The following MEGF9 variants were observed in gnomAD, a reference collection of about 807,000 sequenced individuals.
MEGF9 encodes multiple epidermal growth factor-like domains protein 9.
Under a neutral mutation model 46.8 loss-of-function variants are expected in MEGF9, and 6 were observed. The ratio of observed to expected loss-of-function variants is 0.13; its 90% CI spans 0.07 to 0.25. MEGF9 has a LOEUF of 0.25. MEGF9 is among the 10% of genes least tolerant of loss of function. MEGF9 has a pLI of 1.00. For synonymous variants in MEGF9, 302 were observed against 330.7 expected (o/e 0.91, Z 0.94); for missense variants, 683 against 792.4 (o/e 0.86, Z 1.66).
intron 2 of MEGF9, among the ~76,000 whole-genome samples, chr9:120,644,869 A>C (rs1209375359): frequency 2.0e-5 from 3 of 152,188 alleles, no homozygotes; most frequent in Non-Finnish European, 1.5e-5. Context: ...AAAACACTAC[A>C]TGTTCGTAAG....
At chr9:120,689,459 A>G (rs1381840444) in intron 1 of MEGF9, among the ~76,000 whole-genome samples, 1 of 144,054 alleles carries the variant, frequency 6.9e-6, no homozygotes, top group African/African-American at 2.5e-5. Context: ...AATCAGATCT[A>G]CATCTTAGAA....
At chr9:120,630,064 G>A (rs555852803) in intron 2 of MEGF9, among the ~76,000 whole-genome samples, 40 of 151,940 alleles carry the variant, frequency 2.6e-4, no homozygotes, top group African/African-American at 9.7e-4. Flanking sequence ...AGCCTTTTTT[G>A]CTATTATTTT....
rs2043396474 is a variant in MEGF9 at position 120,601,622 on chromosome 9, G to C, written c.*3568C>G. 6.6e-6 allele frequency: 1 copy of C among 152,148 alleles called. No homozygotes were observed. Among genetic ancestry groups the C allele is most frequent in the Non-Finnish European group, 1.5e-5 (1 of 68,026 alleles). The allele number at this position is 152,148 out of a possible 1,614,324, so 9.4% of individuals were successfully genotyped here. A position where few individuals can be genotyped will look rare whatever the true frequency, so the allele number is the denominator to read the frequency against. Reference sequence around the variant, plus strand: ...TCTCCTCTCATCCCATGTTTCCTCTGTTCTCTACTCTTAAAATCTAGGTAT... The same window carrying C: ...TCTCCTCTCATCCCATGTTTCCTCTCTTCTCTACTCTTAAAATCTAGGTAT... On this transcript the variant is annotated 3_prime_UTR_variant, in exon 6 of 6. Transcript: ENST00000373930.
chr9:120,675,654 C>CA (rs1457098461), intron 1 of MEGF9, among the ~76,000 whole-genome samples: 3 of 87,716 alleles, frequency 3.4e-5, no homozygotes, highest in East Asian at 3.1e-4. Context: ...TTTGGGAGGC[C>CA]GAGGGGGGTG....
At position 120,713,806 on chromosome 9, in the gene MEGF9, C is replaced by CGCTGCTGTTGCT. The variant is rs768382941; in HGVS notation, c.541_552dup (p.Ser181_Ser184dup). 1.9e-5 allele frequency: 24 copies of CGCTGCTGTTGCT among 1,296,066 alleles called. No homozygotes were observed. Among genetic ancestry groups the CGCTGCTGTTGCT allele is most frequent in the Admixed American group, 3.1e-5 (1 of 32,586 alleles). The allele number at this position is 1,296,066 out of a possible 1,614,324, so 80.3% of individuals were successfully genotyped here. ...TCGGTGGCAGGTGGGGTGGGGAGGA[C>CGCTGCTGTTGCT]GCTGCTGTTGCTGCTGCTGGGGAGA... On this transcript the variant is annotated inframe_insertion, in exon 1 of 6. Transcript: ENST00000373930.
intron 2 of MEGF9, among the ~76,000 whole-genome samples, chr9:120,640,544 C>A (rs2043597526): frequency 6.6e-6 from 1 of 151,996 alleles, no homozygotes; most frequent in Non-Finnish European, 1.5e-5. Flanking sequence ...CAGTGCCTGG[C>A]ATGTGATAGG....
intron 2 of MEGF9, among the ~76,000 whole-genome samples, chr9:120,643,901 G>A (rs768362393): frequency 3.9e-5 from 6 of 152,034 alleles, no homozygotes; most frequent in African/African-American, 2.4e-5. Context: ...CTGTTGTAGA[G>A]ATGGGGTCTC....
intron 3 of MEGF9, among the ~76,000 whole-genome samples, chr9:120,616,337 G>T (rs1350264811): frequency 1.3e-5 from 2 of 151,942 alleles, no homozygotes; most frequent in Non-Finnish European, 2.9e-5. Flanking sequence ...ATGTGAATTT[G>T]CTTCTTTAAT....
intron 1 of MEGF9, chr9:120,689,914 C>A (rs749676070): frequency 3.8e-6 from 2 of 528,618 alleles, no homozygotes; most frequent in Non-Finnish European, 3.9e-6. Context: ...CTTCCCATAA[C>A]AATTTTTCTA....
At chr9:120,711,256 T>C (rs1247187114) in intron 1 of MEGF9, among the ~76,000 whole-genome samples, 1 of 152,206 alleles carries the variant, frequency 6.6e-6, no homozygotes, top group African/African-American at 2.4e-5. Context: ...AAGGGCTTGG[T>C]TAAATAAATT....
chr9:120,690,204 G>C (rs145767555), intron 1 of MEGF9, among the ~76,000 whole-genome samples: 1 of 152,136 alleles, frequency 6.6e-6, no homozygotes, highest in Non-Finnish European at 1.5e-5. Context: ...ACAAAACTTT[G>C]GGGAAATTAC....
At chr9:120,619,757 C>A (rs1367652317) in intron 3 of MEGF9, among the ~76,000 whole-genome samples, 3 of 152,154 alleles carry the variant, frequency 2.0e-5, no homozygotes, top group Admixed American at 1.3e-4. Context: ...GATCAAAGAA[C>A]AATTTTTAAG....
intron 2 of MEGF9, among the ~76,000 whole-genome samples, chr9:120,634,862 G>A (rs1003626278): frequency 6.6e-6 from 1 of 151,988 alleles, no homozygotes; most frequent in Admixed American, 6.6e-5. Context: ...GAAGTGATAA[G>A]GTTTGATTCT....
Position 120,605,510 on chromosome 9 carries a change from T to C in MEGF9, c.1489A>G (p.Thr497Ala), listed in dbSNP as rs374800574. ...AAAGCTGAAGTGCTGTTTTCAGAAGTGCTTACTGAAAAGATAGTCTGCAGG... is the reference window on the plus strand; with the variant it reads ...AAAGCTGAAGTGCTGTTTTCAGAAGCGCTTACTGAAAAGATAGTCTGCAGG... ...TTLQTIFSVS[T>A]SENSTSALAD... The change falls in exon 6 of 6, where the codon ACT (threonine) becomes GCT (alanine). Residue 497 changes from threonine (T) to alanine (A), a missense_variant. Thr to Ala is a moderately conservative substitution (Grantham distance 58). Around this residue, in one of 2 missense-constraint regions of MEGF9, gnomAD observed 313 missense variants for 421.1 expected, o/e 0.74. Transcript: ENST00000373930. The surrounding 1 kb of genome is among the most constrained non-coding windows in gnomAD (Gnocchi z 4.0). 19 of 1,613,868 alleles carry C rather than the reference T, an allele frequency of 1.2e-5. No homozygotes were observed. The highest frequency in any genetic ancestry group is 1.5e-5 in the Non-Finnish European group (18 of 1,179,866).
At chr9:120,609,754 A>C (rs181372625) in intron 4 of MEGF9, among the ~76,000 whole-genome samples, 1 of 152,286 alleles carries the variant, frequency 6.6e-6, no homozygotes, top group East Asian at 1.9e-4. Context: ...ATTTACTATT[A>C]TAATTACACT....
Position 120,713,909 on chromosome 9 carries a change from C to T in MEGF9, c.450G>A (p.Thr150=). The T allele has an allele frequency of 7.5e-7, 1 of 1,333,606 alleles. No individual in the cohort carries two copies. The highest frequency in any genetic ancestry group is 9.6e-7 in the Non-Finnish European group (1 of 1,037,556). The allele number at this position is 1,333,606 out of a possible 1,614,324, so 82.6% of individuals were successfully genotyped here. A position where few individuals can be genotyped will look rare whatever the true frequency, so the allele number is the denominator to read the frequency against. Residue 150 remains threonine, a synonymous_variant, in exon 1 of 6, where the codon ACG becomes ACA. Coordinates refer to ENST00000373930, the MANE Select transcript of MEGF9 (RefSeq NM_001080497.3). ...PTRPAPTTLS[T]TTGPAPTTPV... is the part of the protein sequence containing the mutation. ...GGGTGGTCGGCGCCGGGCCAGTGGTCGTCGAAAGGGTGGTCGGCGCGGGTC... is the reference window on the plus strand; with the variant it reads ...GGGTGGTCGGCGCCGGGCCAGTGGTTGTCGAAAGGGTGGTCGGCGCGGGTC...
intron 3 of MEGF9, among the ~76,000 whole-genome samples, chr9:120,620,478 G>A (rs140768645): frequency 6.6e-6 from 1 of 152,204 alleles, no homozygotes; most frequent in East Asian, 1.9e-4. Context: ...AGCCATATGT[G>A]ACTCAGAATC....
chr9:120,656,729 T>C (rs1434774095), intron 2 of MEGF9, among the ~76,000 whole-genome samples: 1 of 151,986 alleles, frequency 6.6e-6, no homozygotes, highest in Non-Finnish European at 1.5e-5. Flanking sequence ...AACAACTTTA[T>C]GCAGGAGAGG....
chr9:120,706,019 C>A (rs148293069), intron 1 of MEGF9, among the ~76,000 whole-genome samples: 3 of 152,164 alleles, frequency 2.0e-5, no homozygotes, highest in East Asian at 1.9e-4. Context: ...TAAACAAGGT[C>A]TTACATTTTT....
Sources: allele counts gnomAD v4.1 joint callset (sites outside exome capture counted in the v4.1 genomes callset), GRCh38; gene constraint gnomAD v4.1.1; regional missense constraint gnomAD v4.1.1; non-coding constraint Gnocchi (gnomAD v3.1); transcripts MANE v1.5; gene names NCBI Gene and HGNC (gene_info 2026-07-23, HGNC 2026-07-21).